The following STX8 variants were observed in gnomAD, a reference collection of about 807,000 sequenced individuals.
STX8 encodes the protein syntaxin-8.
In STX8, 23 loss-of-function variants were observed where a neutral mutation model predicts 37.5. That is an observed-to-expected ratio of 0.61 (90% confidence interval 0.44 to 0.87). The LOEUF (loss-of-function observed/expected upper bound fraction) is 0.87. STX8 is among the 40% of genes least tolerant of loss of function. The probability of loss-of-function intolerance (pLI) is 0.00; values close to 1 mark genes in which losing one functional copy is unlikely to be tolerated. For missense variants in STX8, 313 were observed against 284.7 expected, an observed-to-expected ratio of 1.10 and a Z score of -0.71; for synonymous variants, 115 against 99.1, an observed-to-expected ratio of 1.16 and a Z score of -0.95.
At chr17:9,475,743 T>C (rs954686975) in intron 6 of STX8, among the ~76,000 whole-genome samples, 1 of 152,238 alleles carries the variant, frequency 6.6e-6, no homozygotes, top group Non-Finnish European at 1.5e-5. Context: ...TTATAGCAAA[T>C]GGTCCTGAAT....
At chr17:9,326,302 T>C (rs1312352092) in intron 7 of STX8, among the ~76,000 whole-genome samples, 1 of 151,902 alleles carries the variant, frequency 6.6e-6, no homozygotes, top group Admixed American at 6.6e-5. Flanking sequence ...GGATAATTTT[T>C]GTAGAGACAG....
At chr17:9,386,356 A>G (rs1041582464) in intron 6 of STX8, among the ~76,000 whole-genome samples, 3 of 152,232 alleles carry the variant, frequency 2.0e-5, no homozygotes, top group African/African-American at 7.2e-5. Flanking sequence ...GATTCCATTT[A>G]TAAGAAATAC....
intron 6 of STX8, among the ~76,000 whole-genome samples, chr17:9,448,419 G>A (rs1373780065): frequency 3.3e-5 from 5 of 152,160 alleles, no homozygotes; most frequent in Admixed American, 1.3e-4. Flanking sequence ...GTGTCCTTTC[G>A]GCGGTGTGTT....
chr17:9,400,439 C>T (rs1272034927), intron 6 of STX8, among the ~76,000 whole-genome samples: 2 of 150,466 alleles, frequency 1.3e-5, no homozygotes, highest in Admixed American at 1.3e-4. Flanking sequence ...GAGTCTCGCG[C>T]TGTCACGCAG....
At chr17:9,505,433 G>C (rs2168859) in intron 4 of STX8, among the ~76,000 whole-genome samples, 108,355 of 152,000 alleles carry the variant, frequency 0.71, 38,872 homozygotes, top group Middle Eastern at 0.85. Context: ...AGAGATGTTT[G>C]AGTTAATAAT....
chr17:9,558,609 G>A (rs1907078645), intron 2 of STX8, among the ~76,000 whole-genome samples: 1 of 152,220 alleles, frequency 6.6e-6, no homozygotes, highest in Non-Finnish European at 1.5e-5. Flanking sequence ...GCCGAGGAGG[G>A]TGGATCACAA....
chr17:9,411,096 T>C (rs935549225), intron 6 of STX8, among the ~76,000 whole-genome samples: 8 of 152,234 alleles, frequency 5.3e-5, no homozygotes, highest in African/African-American at 1.9e-4. Context: ...TACTTTATCA[T>C]GTGGACAAGG....
chr17:9,537,711 T>C (rs1036936108), intron 4 of STX8, among the ~76,000 whole-genome samples: 3 of 152,224 alleles, frequency 2.0e-5, no homozygotes, highest in Non-Finnish European at 2.9e-5. Flanking sequence ...TATTAAAAAT[T>C]GTGCTAGGCT....
intron 6 of STX8, among the ~76,000 whole-genome samples, chr17:9,426,698 C>T (rs1913644543): frequency 6.6e-6 from 1 of 151,786 alleles, no homozygotes; most frequent in South Asian, 2.1e-4. Context: ...GAGGTAGAGG[C>T]TGCAGTGACC....
chr17:9,294,214 T>C (rs781162594), intron 7 of STX8, among the ~76,000 whole-genome samples: 1 of 152,182 alleles, frequency 6.6e-6, no homozygotes, highest in South Asian at 2.1e-4. Context: ...AGCAAAGAAC[T>C]CTTAGTGAGA....
Position 9,509,015 on chromosome 17 carries a change from G to A in STX8, c.324-3853C>T, listed in dbSNP as rs140551923. Among the ~76,000 whole-genome samples the A allele has an allele frequency of 3.8e-3, 575 of 152,300 alleles. 4 individuals carry two copies. The highest frequency in any genetic ancestry group is 0.013 in the African/African-American group (535 of 41,564). ...TGTTATCCCAGTACTTTGGGAGGCCGAGGCTGGCAGATCACGATGTCAGGA... is the reference window on the plus strand; with the variant it reads ...TGTTATCCCAGTACTTTGGGAGGCCAAGGCTGGCAGATCACGATGTCAGGA... On this transcript the variant is annotated intron_variant, in intron 4 of 7. Coordinates refer to ENST00000306357, the MANE Select transcript of STX8 (RefSeq NM_004853.3).
At chr17:9,406,740 T>C (rs1393983994) in intron 6 of STX8, among the ~76,000 whole-genome samples, 3 of 152,264 alleles carry the variant, frequency 2.0e-5, no homozygotes, top group Non-Finnish European at 4.4e-5. Flanking sequence ...TCAGTGTTTC[T>C]AGACTATACA....
intron 6 of STX8, among the ~76,000 whole-genome samples, chr17:9,436,314 C>A (rs564806320): frequency 6.7e-6 from 1 of 148,878 alleles, no homozygotes; most frequent in South Asian, 2.1e-4. Context: ...CACTGCGCTC[C>A]AGCTTGGGCG....
At chr17:9,534,959 C>T (rs1387841548) in intron 4 of STX8, among the ~76,000 whole-genome samples, 2 of 152,016 alleles carry the variant, frequency 1.3e-5, no homozygotes, top group Non-Finnish European at 2.9e-5. Flanking sequence ...CATATGGGAA[C>T]GTATTCTATG....
intron 7 of STX8, among the ~76,000 whole-genome samples, chr17:9,284,124 T>C (rs982830189): frequency 2.6e-5 from 4 of 152,216 alleles, no homozygotes; most frequent in African/African-American, 9.6e-5. Context: ...TTAACTGGCA[T>C]GGTCAGTGAA....
At chr17:9,453,170 G>T (rs1056698148) in intron 6 of STX8, among the ~76,000 whole-genome samples, 1 of 152,018 alleles carries the variant, frequency 6.6e-6, no homozygotes, top group Non-Finnish European at 1.5e-5. Context: ...AATGGTGTGG[G>T]GATCCGAAAG....
intron 3 of STX8, among the ~76,000 whole-genome samples, chr17:9,550,655 C>T (rs988256581): frequency 7.9e-5 from 12 of 152,182 alleles, no homozygotes; most frequent in Non-Finnish European, 1.8e-4. Context: ...TGCATAAGTC[C>T]AGCTTCTCTG....
intron 6 of STX8, among the ~76,000 whole-genome samples, chr17:9,478,362 C>G (rs1387981324): frequency 6.6e-6 from 1 of 152,176 alleles, no homozygotes; most frequent in Non-Finnish European, 1.5e-5. Context: ...TCTCGAACTC[C>G]TGACCTCAGG....
rs528623329 is a variant in STX8, at chr17:9,441,347, G to T, written c.541+50482C>A. ...TCTACTAAAAATACAAAAATTAGCC[G>T]TGTGTGGTGGCATGCACCTGTAGTC... On this transcript the variant is annotated intron_variant, in intron 6 of 7. Coordinates refer to ENST00000306357, the MANE Select transcript of STX8 (RefSeq NM_004853.3). Among the ~76,000 whole-genome samples, 12 of 151,832 alleles carry T rather than the reference G, an allele frequency of 7.9e-5. 1 individual carries two copies. The highest frequency in any genetic ancestry group is 6.6e-4 in the Admixed American group (10 of 15,232).
Sources: allele counts gnomAD v4.1 joint callset (sites outside exome capture counted in the v4.1 genomes callset), GRCh38; gene constraint gnomAD v4.1.1; transcripts MANE v1.5; gene names NCBI Gene and HGNC (gene_info 2026-07-23, HGNC 2026-07-21).